The following ALX4 variants were observed in gnomAD, a reference collection of about 807,000 sequenced individuals.
The protein encoded by ALX4 is homeobox protein aristaless-like 4.
A neutral mutation model predicts 40.6 loss-of-function variants in ALX4; 22 were observed. The ratio of observed to expected loss-of-function variants is 0.54; its 90% CI spans 0.39 to 0.77. ALX4 has a LOEUF of 0.77. Ranked by LOEUF, ALX4 falls within the 30% of genes least tolerant of loss-of-function variation. ALX4 has a pLI of 0.00. For synonymous variants in ALX4, 266 were observed against 240.5 expected, an observed-to-expected ratio of 1.11 and a Z score of -0.98; for missense variants, 556 against 564.8, an observed-to-expected ratio of 0.98 and a Z score of 0.16.
At chr11:44,296,376 C>T (rs190675188) in intron 1 of ALX4, among the ~76,000 whole-genome samples, 12 of 152,282 alleles carry the variant, frequency 7.9e-5, no homozygotes, top group African/African-American at 2.9e-4. Context: ...GGCGAAAATC[C>T]TCCTGACACT....
intron 1 of ALX4, among the ~76,000 whole-genome samples, chr11:44,281,324 A>G (rs1956308756): frequency 6.6e-6 from 1 of 152,044 alleles, no homozygotes; most frequent in Admixed American, 6.6e-5. Context: ...GCGCAGGCAC[A>G]CAAGTGGGAT....
intron 1 of ALX4, among the ~76,000 whole-genome samples, chr11:44,308,467 C>G (rs781109433): frequency 4.6e-5 from 7 of 152,250 alleles, no homozygotes; most frequent in African/African-American, 1.2e-4. Context: ...ACCTGAAGGC[C>G]AAGGCCTCCG....
chr11:44,287,533 T>C (rs1590697275), intron 1 of ALX4, among the ~76,000 whole-genome samples: 1 of 144,248 alleles, frequency 6.9e-6, no homozygotes, highest in African/African-American at 2.6e-5. Flanking sequence ...GAGGCCGAGG[T>C]GGGAGAGTCA....
In ALX4 at chr11:44,300,061, T is replaced by G. The variant is rs181658619; in HGVS notation, c.466+9536A>C. On this transcript the variant is annotated intron_variant, in intron 1 of 3. Coordinates refer to ENST00000652299, the MANE Select transcript of ALX4 (RefSeq NM_021926.4). ...TTAAAACCCATTATTGTCTCTGTCC[T>G]GTAGATGGGAAAACTCAGGCCAGGA... Among the ~76,000 whole-genome samples the G allele has an allele frequency of 5.3e-4, 80 of 152,320 alleles. 1 individual carries two copies. Among genetic ancestry groups the G allele is most frequent in the Non-Finnish European group, 9.4e-4 (64 of 68,034 alleles).
intron 1 of ALX4, among the ~76,000 whole-genome samples, chr11:44,296,024 C>T (rs1451181082): frequency 6.6e-6 from 1 of 152,206 alleles, no homozygotes; most frequent in East Asian, 1.9e-4. Context: ...TGGTCACTGG[C>T]CTGCAGGCAA....
At chr11:44,293,162 A>AGGAC (rs1956381451) in intron 1 of ALX4, among the ~76,000 whole-genome samples, 1 of 20,712 alleles carries the variant, frequency 4.8e-5, no homozygotes, top group Non-Finnish European at 8.9e-5. Flanking sequence ...GAAGGAAGGA[A>AGGAC]GGAAGGAAGC....
chr11:44,278,262 G>A (rs1209475019), intron 1 of ALX4, among the ~76,000 whole-genome samples: 2 of 151,018 alleles, frequency 1.3e-5, no homozygotes, highest in African/African-American at 4.9e-5. Flanking sequence ...AGTTTTAACT[G>A]GGGGGAAACT....
chr11:44,286,445 T>G (rs930789444), intron 1 of ALX4, among the ~76,000 whole-genome samples: 1 of 151,930 alleles, frequency 6.6e-6, no homozygotes, highest in Non-Finnish European at 1.5e-5. Context: ...AGGGCCCAAC[T>G]CCCAGCAGGC....
At chr11:44,276,026 G>A (rs1029471898) in intron 1 of ALX4, among the ~76,000 whole-genome samples, 15 of 152,128 alleles carry the variant, frequency 9.9e-5, no homozygotes, top group South Asian at 4.1e-4. Flanking sequence ...TCTGGGGCCC[G>A]AGAATTCTGA....
chr11:44,273,837 C>T (rs951850148), intron 2 of ALX4, among the ~76,000 whole-genome samples: 15 of 152,036 alleles, frequency 9.9e-5, no homozygotes, highest in African/African-American at 3.4e-4. Flanking sequence ...CCTGTGGTCC[C>T]AGCTACTCAG....
chr11:44,293,584 C>A (rs1956385872), intron 1 of ALX4, among the ~76,000 whole-genome samples: 1 of 152,196 alleles, frequency 6.6e-6, no homozygotes. Flanking sequence ...CTTTGTGTAG[C>A]ACAAAACTGG....
At chr11:44,293,727 A>G (rs1055832407) in intron 1 of ALX4, among the ~76,000 whole-genome samples, 1 of 152,234 alleles carries the variant, frequency 6.6e-6, no homozygotes, top group Non-Finnish European at 1.5e-5. Context: ...TAATATTTCC[A>G]AACTGGCCTC....
chr11:44,278,019 T>G (rs1415264690), intron 1 of ALX4, among the ~76,000 whole-genome samples: 1 of 151,992 alleles, frequency 6.6e-6, no homozygotes, highest in African/African-American at 2.4e-5. Context: ...AGGTTTTTTT[T>G]TTTTTTTTTT....
chr11:44,298,754 C>T (rs2119878654), intron 1 of ALX4, among the ~76,000 whole-genome samples: 1 of 151,116 alleles, frequency 6.6e-6, no homozygotes, highest in Middle Eastern at 3.4e-3. Context: ...AATAGAGCTA[C>T]CCAGAGCCTC....
Position 44,275,395 on chromosome 11 carries a change from G to C in ALX4, c.730C>G (p.Arg244Gly). The C allele has an allele frequency of 6.2e-7, 1 of 1,614,202 alleles. No individual in the cohort carries two copies. The highest frequency in any genetic ancestry group is 8.5e-7 in the Non-Finnish European group (1 of 1,180,024). Residue 244 changes from arginine (R) to glycine (G), a missense_variant, in exon 2 of 4, where the codon CGG becomes GGG. Arg to Gly is a moderately radical substitution (Grantham distance 125, BLOSUM62 -2). Transcript: ENST00000652299. ...QKTHYPDVYAREQLAMRTDLT... is the reference protein window; with the variant it reads ...QKTHYPDVYAGEQLAMRTDLT... ...TCTGTCCTCATGGCCAGCTGTTCCC[G>C]CGCATACACGTCTGGGTAGTGGGTC...
At chr11:44,268,401 G>C (rs1298763883) in intron 2 of ALX4, among the ~76,000 whole-genome samples, 1 of 152,174 alleles carries the variant, frequency 6.6e-6, no homozygotes, top group African/African-American at 2.4e-5. Flanking sequence ...TTTTTCCCTT[G>C]GTGCTGTCTG....
At chr11:44,295,611 G>A in intron 1 of ALX4, among the ~76,000 whole-genome samples, 1 of 152,212 alleles carries the variant, frequency 6.6e-6, no homozygotes, top group Non-Finnish European at 1.5e-5. Context: ...CTAGGGTAGG[G>A]GACAGGGAGT....
At chr11:44,305,928 C>A (rs1315930576) in intron 1 of ALX4, among the ~76,000 whole-genome samples, 1 of 152,248 alleles carries the variant, frequency 6.6e-6, no homozygotes, top group African/African-American at 2.4e-5. Context: ...CAGTACGCGC[C>A]GGCTGCAGCT....
intron 1 of ALX4, among the ~76,000 whole-genome samples, chr11:44,297,820 A>T (rs1956412104): frequency 6.6e-6 from 1 of 152,120 alleles, no homozygotes; most frequent in South Asian, 2.1e-4. Flanking sequence ...CCTGCACTCC[A>T]CACACTTGCT....
Sources: allele counts gnomAD v4.1 joint callset (sites outside exome capture counted in the v4.1 genomes callset), GRCh38; gene constraint gnomAD v4.1.1; transcripts MANE v1.5; gene names NCBI Gene and HGNC (gene_info 2026-07-23, HGNC 2026-07-21).